The following DDX10 variants were observed in gnomAD, a reference collection of about 807,000 sequenced individuals.
DDX10 encodes probable ATP-dependent RNA helicase DDX10.
DDX10 carries 74 observed loss-of-function variants against 104.3 expected under a neutral mutation model. The ratio of observed to expected loss-of-function variants is 0.71; its 90% CI spans 0.59 to 0.86. The LOEUF is 0.86. DDX10 is among the 40% of genes least tolerant of loss of function. DDX10 has a pLI of 0.00. For missense variants in DDX10, 952 were observed against 1,040.0 expected, an observed-to-expected ratio of 0.92 and a Z score of 1.16; for synonymous variants, 351 against 353.4, an observed-to-expected ratio of 0.99 and a Z score of 0.08.
chr11:108,881,133 A>G (rs1863222645), intron 16 of DDX10, among the ~76,000 whole-genome samples: 1 of 152,198 alleles, frequency 6.6e-6, no homozygotes, highest in Admixed American at 6.5e-5. Flanking sequence ...TTACAGTATT[A>G]AAAAGGATTC....
At chr11:108,759,668 A>G (rs780030035) in intron 13 of DDX10, among the ~76,000 whole-genome samples, 6 of 152,030 alleles carry the variant, frequency 3.9e-5, no homozygotes. Context: ...TGAACTTGAC[A>G]AATGCTAAAA....
chr11:108,762,090 G>A (rs1311424081), intron 13 of DDX10, among the ~76,000 whole-genome samples: 1 of 152,058 alleles, frequency 6.6e-6, no homozygotes, highest in Non-Finnish European at 1.5e-5. Context: ...ACAGGAGGAG[G>A]TTGAACTAGA....
Position 108,723,269 on chromosome 11 carries a change from A to C in DDX10, c.1772A>C (p.Glu591Ala). 1 of 1,613,498 alleles carries C rather than the reference A, an allele frequency of 6.2e-7. No individual in the cohort carries two copies. The highest frequency in any genetic ancestry group is 8.5e-7 in the Non-Finnish European group (1 of 1,179,790). The change falls in exon 13 of 18, where the codon GAA (glutamate) becomes GCA (alanine). Residue 591 changes from glutamate (E) to alanine (A), a missense_variant. Transcript: ENST00000322536. ...EQEEEEDDEEEMEEKLAKAKG... is the reference protein window; with the variant it reads ...EQEEEEDDEEAMEEKLAKAKG... ...GAAGAAGAAGAAGACGATGAAGAAGAAATGGAAGAGAAACTGGCAAAAGCA... is the reference window on the plus strand; with the variant it reads ...GAAGAAGAAGAAGACGATGAAGAAGCAATGGAAGAGAAACTGGCAAAAGCA...
At chr11:108,913,543 C>G (rs967528202) in intron 16 of DDX10, among the ~76,000 whole-genome samples, 2 of 151,914 alleles carry the variant, frequency 1.3e-5, no homozygotes, top group Non-Finnish European at 2.9e-5. Flanking sequence ...GGGCAAATTG[C>G]GAGGGAGGTA....
chr11:108,796,118 A>G (rs2134552578), intron 13 of DDX10, among the ~76,000 whole-genome samples: 1 of 152,226 alleles, frequency 6.6e-6, no homozygotes, highest in South Asian at 2.1e-4. Flanking sequence ...TATTTCTTTA[A>G]TGTTCCTTTA....
At chr11:108,930,467 A>T (rs573323761) in intron 17 of DDX10, among the ~76,000 whole-genome samples, 95 of 152,286 alleles carry the variant, frequency 6.2e-4, no homozygotes, top group South Asian at 2.3e-3. Flanking sequence ...CATGAGCAGG[A>T]TTTTGTGTGG....
intron 13 of DDX10, among the ~76,000 whole-genome samples, chr11:108,734,993 T>C (rs1314465935): frequency 6.6e-6 from 1 of 152,224 alleles, no homozygotes; most frequent in Admixed American, 6.5e-5. Context: ...CTGAACTTGT[T>C]AATGGGAGGA....
intron 13 of DDX10, among the ~76,000 whole-genome samples, chr11:108,816,820 C>G (rs1862262130): frequency 6.6e-6 from 1 of 152,134 alleles, no homozygotes; most frequent in African/African-American, 2.4e-5. Flanking sequence ...TCCCAAAGTG[C>G]TGGGATTACA....
chr11:108,794,674 G>C lies in DDX10; in HGVS notation c.1966-43772G>C, dbSNP rs575029161. On this transcript the variant is annotated intron_variant, in intron 13 of 17. Transcript: ENST00000322536. ...GTTAACGTGGTTAATGGTGTTTATT[G>C]GTTTTTGAATGTTAAACCAACTTTT... Among the ~76,000 whole-genome samples the C allele has an allele frequency of 3.9e-5, 6 of 151,968 alleles. No homozygotes were observed. In the South Asian group the frequency reaches 1.2e-3, roughly 32 times the overall value.
intron 13 of DDX10, among the ~76,000 whole-genome samples, chr11:108,786,821 G>A (rs2615725): frequency 0.68 from 103,211 of 152,006 alleles, 36,193 homozygotes; most frequent in Admixed American, 0.76. Flanking sequence ...TGCCTTTTAA[G>A]TGGGGAGATT....
intron 13 of DDX10, among the ~76,000 whole-genome samples, chr11:108,749,689 G>A (rs75026343): frequency 0.01 from 1,570 of 152,238 alleles, 27 homozygotes; most frequent in African/African-American, 0.036. Flanking sequence ...GTAATTTGTC[G>A]TGAAAGAAGT....
intron 16 of DDX10, among the ~76,000 whole-genome samples, chr11:108,875,387 G>A (rs1863138694): frequency 6.6e-6 from 1 of 152,168 alleles, no homozygotes; most frequent in African/African-American, 2.4e-5. Context: ...TCACAAGCTT[G>A]TGAAAAATTG....
chr11:108,699,631 T>C (rs567614953), intron 9 of DDX10, among the ~76,000 whole-genome samples: 2 of 152,260 alleles, frequency 1.3e-5, no homozygotes, highest in East Asian at 3.9e-4. Context: ...GACTTGGAAG[T>C]CACAGTCCAT....
chr11:108,869,774 G>C (rs1190653373), intron 16 of DDX10, among the ~76,000 whole-genome samples: 1 of 152,036 alleles, frequency 6.6e-6, no homozygotes, highest in Non-Finnish European at 1.5e-5. Context: ...TTTGGCAGTA[G>C]AGATTTTTAC....
At chr11:108,832,789 T>C (rs1455036939) in intron 13 of DDX10, among the ~76,000 whole-genome samples, 2 of 152,238 alleles carry the variant, frequency 1.3e-5, no homozygotes, top group Non-Finnish European at 2.9e-5. Flanking sequence ...CTTTCACTTT[T>C]AGAAACTTAA....
At chr11:108,706,319 C>A (rs1415254268) in intron 9 of DDX10, among the ~76,000 whole-genome samples, 2 of 151,978 alleles carry the variant, frequency 1.3e-5, no homozygotes, top group Non-Finnish European at 2.9e-5. Flanking sequence ...ATTTTACTTC[C>A]AAGGTGTAAA....
chr11:108,750,098 A>G (rs971244036), intron 13 of DDX10, among the ~76,000 whole-genome samples: 7 of 152,174 alleles, frequency 4.6e-5, no homozygotes, highest in Admixed American at 1.3e-4. Context: ...AAGGAAAAAA[A>G]TGAATGTTAC....
intron 1 of DDX10, among the ~76,000 whole-genome samples, chr11:108,666,473 T>G (rs986935508): frequency 1.3e-4 from 20 of 152,136 alleles, no homozygotes; most frequent in Admixed American, 9.8e-4. Context: ...TGAGTGAGAC[T>G]CTGTCTTAAA....
chr11:108,766,711 A>G (rs1048443899), intron 13 of DDX10, among the ~76,000 whole-genome samples: 94 of 152,188 alleles, frequency 6.2e-4, no homozygotes, highest in African/African-American at 1.9e-3. Flanking sequence ...GGGAAGTGCT[A>G]TGTCATATTA....
Sources: allele counts gnomAD v4.1 joint callset (sites outside exome capture counted in the v4.1 genomes callset), GRCh38; gene constraint gnomAD v4.1.1; transcripts MANE v1.5; gene names NCBI Gene and HGNC (gene_info 2026-07-23, HGNC 2026-07-21).